Variants in EPHB1 observed in about 807,000 individuals in gnomAD.
The protein encoded by EPHB1 is EPH receptor B1.
In EPHB1, 30 loss-of-function variants were observed where a neutral mutation model predicts 94.4. That is an observed-to-expected ratio of 0.32 (90% CI 0.24 to 0.43). The LOEUF (loss-of-function observed/expected upper bound fraction) is 0.43. Ranked by LOEUF, EPHB1 falls within the 20% of genes least tolerant of loss-of-function variation. The pLI, the probability that EPHB1 is intolerant of heterozygous loss-of-function variation, is 1.00. For synonymous variants in EPHB1, 522 were observed against 489.1 expected, an observed-to-expected ratio of 1.07 and a Z score of -0.89; for missense variants, 1,055 against 1,308.3, an observed-to-expected ratio of 0.81 and a Z score of 2.99.
intron 3 of EPHB1, among the ~76,000 whole-genome samples, chr3:135,026,353 C>G (rs1226669245): frequency 2.3e-4 from 33 of 141,780 alleles, no homozygotes; most frequent in African/African-American, 6.9e-4. Context: ...TTAGGTCTAA[C>G]GTTTAAGTCT....
intron 3 of EPHB1, among the ~76,000 whole-genome samples, chr3:135,012,133 C>A (rs1935641231): frequency 6.6e-6 from 1 of 152,224 alleles, no homozygotes; most frequent in Non-Finnish European, 1.5e-5. Flanking sequence ...AATCAATAAT[C>A]TCTGAATAAT....
intron 1 of EPHB1, among the ~76,000 whole-genome samples, chr3:134,874,672 A>T (rs996810279): frequency 2.6e-5 from 4 of 151,998 alleles, no homozygotes; most frequent in African/African-American, 9.7e-5. Flanking sequence ...GACCGGCAAG[A>T]CTCCTGCATT....
intron 3 of EPHB1, among the ~76,000 whole-genome samples, chr3:135,015,512 G>T (rs1162573744): frequency 6.6e-6 from 1 of 152,172 alleles, no homozygotes; most frequent in Non-Finnish European, 1.5e-5. Flanking sequence ...AAAGTGCTGG[G>T]ATTATAGGTG....
rs189159244 is a variant in EPHB1, at chr3:135,060,210, C to T, written c.806-46238C>T. 1.7e-4 allele frequency among the ~76,000 whole-genome samples: 26 copies of T among 152,276 alleles called. No homozygotes were observed. In the East Asian group the frequency reaches 4.8e-3, roughly 28 times the overall value. On this transcript the variant is annotated intron_variant, in intron 3 of 15. Transcript: ENST00000398015. ...TCCAGCTCCCCTCAGCCCTGGTGAC[C>T]ATTGATCCACTTTCTGTCCTTATGG...
chr3:135,205,869 C>CT (rs1330646995), intron 12 of EPHB1, among the ~76,000 whole-genome samples: 2 of 152,096 alleles, frequency 1.3e-5, no homozygotes, highest in South Asian at 2.1e-4. Context: ...GTTTATGGTT[C>CT]TTTTTTAAGG....
intron 1 of EPHB1, among the ~76,000 whole-genome samples, chr3:134,902,033 T>C (rs1206969310): frequency 6.6e-6 from 1 of 152,166 alleles, no homozygotes; most frequent in Non-Finnish European, 1.5e-5. Flanking sequence ...CTGAGATCCA[T>C]GGGCAGCTAT....
At position 134,942,963 on chromosome 3, in the gene EPHB1, G is replaced by A. The variant is rs140421687; in HGVS notation, c.124-8408G>A. Among the ~76,000 whole-genome samples the A allele has an allele frequency of 1.6e-3, 246 of 152,304 alleles. 1 individual carries two copies. Among genetic ancestry groups the A allele is most frequent in the East Asian group, 0.013 (65 of 5,186 alleles). On this transcript the variant is annotated intron_variant, in intron 2 of 15. Coordinates refer to ENST00000398015, the MANE Select transcript of EPHB1 (RefSeq NM_004441.5). ...AGTATATTATCAAATGCTAAATTGC[G>A]TGGAATAAACTCAATCATGCTTTAT...
intron 6 of EPHB1, among the ~76,000 whole-genome samples, chr3:135,158,960 G>T (rs901675996): frequency 6.6e-5 from 10 of 152,078 alleles, no homozygotes; most frequent in Non-Finnish European, 1.3e-4. Flanking sequence ...TTCAGACCTT[G>T]GCAATATCTT....
intron 3 of EPHB1, among the ~76,000 whole-genome samples, chr3:135,052,909 A>ATATGTGTGTG (rs1217744067): frequency 1.5e-5 from 1 of 68,894 alleles, no homozygotes; most frequent in African/African-American, 7.7e-5. Context: ...ATATATATAT[A>ATATGTGTGTG]TGTGTGTGTG....
intron 4 of EPHB1, among the ~76,000 whole-genome samples, chr3:135,125,722 C>T (rs1000154326): frequency 9.2e-4 from 140 of 152,116 alleles, no homozygotes; most frequent in African/African-American, 3.2e-3. Context: ...ACAGTTGAAA[C>T]TTTCCCTCTT....
chr3:135,049,722 T>C lies in EPHB1; in HGVS notation c.806-56726T>C, dbSNP rs1352607799. ...AGTATCAGGTACTTTGGGGACCAGGTTTTGATACCTCTTTATAATATGTGA... is the reference window on the plus strand; with the variant it reads ...AGTATCAGGTACTTTGGGGACCAGGCTTTGATACCTCTTTATAATATGTGA... On this transcript the variant is annotated intron_variant, in intron 3 of 15. Coordinates refer to ENST00000398015, the MANE Select transcript of EPHB1 (RefSeq NM_004441.5). 2.0e-5 allele frequency among the ~76,000 whole-genome samples: 3 copies of C among 152,198 alleles called. No individual in the cohort carries two copies. The East Asian group carries it at 5.8e-4, about 29-fold the overall frequency.
chr3:135,144,788 ATCTAAAAT>A (rs960279438), intron 5 of EPHB1, among the ~76,000 whole-genome samples: 1 of 152,120 alleles, frequency 6.6e-6, no homozygotes, highest in Non-Finnish European at 1.5e-5. Flanking sequence ...TCCCATTCAC[ATCTAAAAT>A]TCAGCCAGGA....
chr3:134,959,411 A>C (rs1933415411), intron 3 of EPHB1, among the ~76,000 whole-genome samples: 1 of 152,212 alleles, frequency 6.6e-6, no homozygotes, highest in African/African-American at 2.4e-5. Context: ...TCCACTTCTG[A>C]GACTGGCTTT....
At chr3:134,875,013 C>A (rs1398992225) in intron 1 of EPHB1, among the ~76,000 whole-genome samples, 1 of 152,128 alleles carries the variant, frequency 6.6e-6, no homozygotes, top group East Asian at 1.9e-4. Context: ...ATTTGGGTAG[C>A]CAGTGCGTAA....
chr3:134,888,030 G>A (rs1419593948), intron 1 of EPHB1, among the ~76,000 whole-genome samples: 15 of 152,194 alleles, frequency 9.9e-5, no homozygotes, highest in Non-Finnish European at 2.9e-5. Flanking sequence ...TTCCCAAGGA[G>A]CGAGGGGTCA....
chr3:135,229,445 C>CG (rs1943482402), intron 12 of EPHB1, among the ~76,000 whole-genome samples: 1 of 151,886 alleles, frequency 6.6e-6, no homozygotes, highest in African/African-American at 2.4e-5. Flanking sequence ...TGTTGGAGGG[C>CG]GGGGGCAGGA....
At chr3:135,158,258 TCTTGTGC>T (rs1253095238) in intron 6 of EPHB1, among the ~76,000 whole-genome samples, 1 of 152,188 alleles carries the variant, frequency 6.6e-6, no homozygotes, top group Non-Finnish European at 1.5e-5. Flanking sequence ...TATTTCTTCA[TCTTGTGC>T]CATCTCCTCT....
intron 3 of EPHB1, among the ~76,000 whole-genome samples, chr3:135,078,514 C>T (rs1187833975): frequency 1.3e-5 from 2 of 152,230 alleles, no homozygotes; most frequent in Non-Finnish European, 2.9e-5. Flanking sequence ...CTGCCCTGAA[C>T]ACTGCAAAAC....
chr3:134,935,579 T>C (rs924281229), intron 2 of EPHB1, among the ~76,000 whole-genome samples: 7 of 152,182 alleles, frequency 4.6e-5, no homozygotes, highest in African/African-American at 7.2e-5. Context: ...TATAAGATCT[T>C]ATATATAGAG....
Sources: gnomAD v4.1 joint callset for allele counts (sites outside exome capture counted in the v4.1 genomes callset) on GRCh38, gnomAD v4.1.1 for gene constraint, MANE v1.5 for transcripts, NCBI Gene and HGNC (gene_info 2026-07-23, HGNC 2026-07-21) for gene names.